DIPK1A: variants seen among roughly 807,000 people sequenced by gnomAD.
DIPK1A encodes the protein family with sequence similarity 69 member A.
Under a neutral mutation model 40.8 loss-of-function variants are expected in DIPK1A, and 27 were observed. That is an observed-to-expected ratio of 0.66 (90% CI 0.49 to 0.91). The LOEUF (loss-of-function observed/expected upper bound fraction) is 0.91, where lower values mean the gene tolerates loss of function less well. Ranked by LOEUF, DIPK1A falls within the 40% of genes least tolerant of loss-of-function variation. The pLI is 0.00. For synonymous variants in DIPK1A, 166 were observed against 171.3 expected (o/e 0.97, Z 0.24); for missense variants, 412 against 505.7 (o/e 0.81, Z 1.78).
chr1:92,961,307 C>G (rs1440194048), intron 1 of DIPK1A, 69 bp downstream of exon 1: 1 of 1,240,174 alleles, frequency 8.1e-7, no homozygotes, highest in African/African-American at 1.6e-5. Context: ...GCGGGCGAGT[C>G]CTGCGCGGCG....
At chr1:92,950,167 T>TA (rs1053744208) in intron 1 of DIPK1A, among the ~76,000 whole-genome samples, 7 of 151,476 alleles carry the variant, frequency 4.6e-5, no homozygotes, top group South Asian at 2.1e-4. Context: ...AAAGGACAAG[T>TA]AAAAAAAAGA....
intron 1 of DIPK1A, among the ~76,000 whole-genome samples, chr1:92,952,221 T>C (rs1223826130): frequency 2.0e-5 from 3 of 152,146 alleles, no homozygotes; most frequent in Non-Finnish European, 2.9e-5. Flanking sequence ...ATATCAATAA[T>C]GCTGAGATTA....
Position 92,836,258 on chromosome 1 carries a change from T to C in DIPK1A, c.475-3224A>G, listed in dbSNP as rs755442410. 4.3e-6 allele frequency: 7 copies of C among 1,613,804 alleles called. No individual in the cohort carries two copies. The highest frequency in any genetic ancestry group is 2.2e-5 in the East Asian group (1 of 44,904). On this transcript the variant is annotated intron_variant, in intron 4 of 4. Transcript: ENST00000615519. Reference sequence around the variant, plus strand: ...TGGAGGTGACTGGTGATGAATACAATGTGGAAAGCATTGATGGTCAGCCAG... The same window carrying C: ...TGGAGGTGACTGGTGATGAATACAACGTGGAAAGCATTGATGGTCAGCCAG...
intron 1 of DIPK1A, among the ~76,000 whole-genome samples, chr1:92,886,073 C>G (rs751937818): frequency 2.0e-5 from 3 of 152,066 alleles, no homozygotes; most frequent in Non-Finnish European, 4.4e-5. Context: ...AGGCTCATGC[C>G]TGTAATCCCA....
chr1:92,915,877 TATC>T (rs1319759200), intron 1 of DIPK1A, among the ~76,000 whole-genome samples: 1 of 152,176 alleles, frequency 6.6e-6, no homozygotes, highest in Admixed American at 6.6e-5. Context: ...TCCAAATGTC[TATC>T]AAGTAGATAA....
At chr1:92,840,926 A>G (rs1687340372), downstream of DIPK1A, 1 of 521,550 alleles carries the variant, frequency 1.9e-6, no homozygotes, top group African/African-American at 1.9e-5. Flanking sequence ...TGATCTTTAA[A>G]TGGAATAGAA....
intron 1 of DIPK1A, among the ~76,000 whole-genome samples, chr1:92,880,988 G>A (rs1170943815): frequency 1.3e-5 from 2 of 151,532 alleles, no homozygotes; most frequent in Non-Finnish European, 2.9e-5. Context: ...TCAGGAGTTC[G>A]AGACCAGCCT....
intron 1 of DIPK1A, among the ~76,000 whole-genome samples, chr1:92,918,067 T>G (rs2100848214): frequency 6.6e-6 from 1 of 152,280 alleles, no homozygotes; most frequent in African/African-American, 2.4e-5. Flanking sequence ...AAAATAAATG[T>G]ATTTATTATA....
chr1:92,869,821 T>C (rs374212958), intron 2 of DIPK1A, among the ~76,000 whole-genome samples: 54 of 152,172 alleles, frequency 3.5e-4, no homozygotes, highest in African/African-American at 1.1e-3. Flanking sequence ...AAAAGAACAG[T>C]CCATGCACTA....
chr1:92,949,170 C>A (rs1651525638), intron 1 of DIPK1A, among the ~76,000 whole-genome samples: 1 of 152,038 alleles, frequency 6.6e-6, no homozygotes, highest in African/African-American at 2.4e-5. Flanking sequence ...CCACTCCCAC[C>A]CCCAAAATTA....
intron 2 of DIPK1A, among the ~76,000 whole-genome samples, chr1:92,852,343 A>G (rs909314650): frequency 6.6e-6 from 1 of 152,150 alleles, no homozygotes; most frequent in Non-Finnish European, 1.5e-5. Context: ...TACTAAAAAT[A>G]CAAAATTAGC....
At chr1:92,850,039 T>C (rs1244262722) in intron 3 of DIPK1A, among the ~76,000 whole-genome samples, 1 of 151,940 alleles carries the variant, frequency 6.6e-6, no homozygotes, top group Non-Finnish European at 1.5e-5. Flanking sequence ...GGTGGGACCA[T>C]AGCTCACTGC....
chr1:92,960,686 T>G (rs941023751), intron 1 of DIPK1A, among the ~76,000 whole-genome samples: 3 of 152,194 alleles, frequency 2.0e-5, no homozygotes, highest in Admixed American at 6.5e-5. Context: ...CTAGGGTATT[T>G]GGGATCCACA....
Position 92,843,581 on chromosome 1 carries a change from C to G in DIPK1A, c.1089G>C (p.Leu363Phe). Residue 363 changes from leucine (L) to phenylalanine (F), a missense_variant, in exon 5 of 5, where the codon TTG (leucine) becomes TTC (phenylalanine). Transcript: ENST00000370310. ...CTTTGAGTAACTGACAAGCTTTTGC[C>G]AAGTTTGGTTGTATCACTTCTGAAG... The part of the protein sequence containing the change: ...KCTSEVIQPN[L>F]AKACQLLKDY... 6.4e-7 allele frequency: 1 copy of G among 1,551,960 alleles called. No individual in the cohort carries two copies. The highest frequency in any genetic ancestry group is 8.7e-7 in the Non-Finnish European group (1 of 1,147,058).
chr1:92,869,418 TA>T (rs34546494), intron 2 of DIPK1A, among the ~76,000 whole-genome samples: 1 of 152,048 alleles, frequency 6.6e-6, no homozygotes, highest in African/African-American at 2.4e-5. Flanking sequence ...CTTGGCCTCC[TA>T]AAGTGCTAGG....
intron 1 of DIPK1A, among the ~76,000 whole-genome samples, chr1:92,942,778 C>T (rs1476718401): frequency 6.6e-6 from 1 of 152,172 alleles, no homozygotes; most frequent in Non-Finnish European, 1.5e-5. Flanking sequence ...ATTCTCCTGC[C>T]TCAGACTCCC....
intron 2 of DIPK1A, among the ~76,000 whole-genome samples, chr1:92,863,115 C>T (rs1354035066): frequency 6.6e-6 from 1 of 152,194 alleles, no homozygotes; most frequent in Non-Finnish European, 1.5e-5. Flanking sequence ...ACCCTAATCC[C>T]AGTCTCACTT....
At chr1:92,833,682 C>A in intron 4 of DIPK1A, 3 of 1,579,368 alleles carry the variant, frequency 1.9e-6, no homozygotes, top group South Asian at 2.2e-5. Context: ...TCTAGACAGT[C>A]CCCTTTTTTT....
At chr1:92,914,711 G>A (rs1476230811) in intron 1 of DIPK1A, among the ~76,000 whole-genome samples, 3 of 151,756 alleles carry the variant, frequency 2.0e-5, no homozygotes, top group Non-Finnish European at 4.4e-5. Context: ...GGAGGTTGCA[G>A]TGAGCCAAGA....
Sources: allele counts gnomAD v4.1 joint callset (sites outside exome capture counted in the v4.1 genomes callset), GRCh38; gene constraint gnomAD v4.1.1; transcripts MANE v1.5; gene names NCBI Gene and HGNC (gene_info 2026-07-23, HGNC 2026-07-21).